The following TRPV3 variants were observed in gnomAD, a reference collection of about 807,000 sequenced individuals.
TRPV3 encodes the protein transient receptor potential cation channel subfamily V member 3.
Under a neutral mutation model 87.1 loss-of-function variants are expected in TRPV3, and 88 were observed. The observed-to-expected ratio is 1.01, with a 90% CI of 0.85 to 1.21. The LOEUF (loss-of-function observed/expected upper bound fraction) is 1.21. Ranked by LOEUF, TRPV3 falls within the 50% of genes most tolerant of loss-of-function variation. The probability of loss-of-function intolerance (pLI) is 0.00; values close to 1 mark genes in which losing one functional copy is unlikely to be tolerated. For missense variants in TRPV3, 1,054 were observed against 1,030.1 expected (o/e 1.02, Z -0.32); for synonymous variants, 438 against 423.3 (o/e 1.03, Z -0.43).
chr17:3,516,414 C>T (rs1463833903), intron 16 of TRPV3, 43 bp downstream of exon 16: 5 of 1,506,530 alleles, frequency 3.3e-6, no homozygotes. Flanking sequence ...CCTCTCTACC[C>T]ACCCCAAAGA....
Position 3,532,825 on chromosome 17 carries a change from G to A in TRPV3, c.897C>T (p.Ile299=). The A allele has an allele frequency of 6.2e-7, 1 of 1,614,266 alleles. No homozygotes were observed. The highest frequency in any genetic ancestry group is 8.5e-7 in the Non-Finnish European group (1 of 1,180,052). ...CGGCCACGGTCACCAGGGCGTGAAG[G>A]ATGTTGTTGCCTCGTGAGTCCCGCG... ...ITSRDSRGNN[I]LHALVTVAED... is the part of the protein sequence containing the mutation. The change falls in exon 8 of 18, where the codon ATC becomes ATT. Residue 299 remains isoleucine, a synonymous_variant. Coordinates refer to ENST00000576742, the MANE Select transcript of TRPV3 (RefSeq NM_145068.4).
chr17:3,536,885 G>T (rs979414853), intron 6 of TRPV3, among the ~76,000 whole-genome samples: 10 of 152,098 alleles, frequency 6.6e-5, no homozygotes, highest in Admixed American at 2.0e-4. Context: ...TGGGGGAAGG[G>T]TCTCGAAATG....
chr17:3,518,418 C>G lies in TRPV3; in HGVS notation c.2085+158G>C, dbSNP rs1179844971. On this transcript the variant is annotated intron_variant, in intron 15 of 17. Transcript: ENST00000576742. The surrounding 1 kb of genome is among the most constrained non-coding windows in gnomAD (Gnocchi z 4.3). ...CTCCCTAGACCCTACACTCAAAGAA[C>G]CTAGGCTAAGGCCTCCTCAAACCTG... 6.6e-6 allele frequency among the ~76,000 whole-genome samples: 1 copy of G among 152,216 alleles called. No individual in the cohort carries two copies. The highest frequency in any genetic ancestry group is 2.4e-5 in the African/African-American group (1 of 41,464).
At chr17:3,516,640 C>A in intron 15 of TRPV3, 71 bp from the exon 16 acceptor site, 2 of 1,106,874 alleles carry the variant, frequency 1.8e-6, no homozygotes, top group Admixed American at 1.7e-5. Flanking sequence ...CACACACTGT[C>A]GGGGAGCCCA....
At chr17:3,534,166 T>C (rs948679970) in intron 7 of TRPV3, among the ~76,000 whole-genome samples, 1 of 151,942 alleles carries the variant, frequency 6.6e-6, no homozygotes, top group Non-Finnish European at 1.5e-5. Context: ...GGACACACGA[T>C]GAACTGGACA....
chr17:3,534,266 G>A (rs2074378853), intron 7 of TRPV3, among the ~76,000 whole-genome samples: 1 of 152,072 alleles, frequency 6.6e-6, no homozygotes, highest in African/African-American at 2.4e-5. Flanking sequence ...AAACCACCCA[G>A]AAGATAGTCC....
chr17:3,544,444 G>A, intron 4 of TRPV3, 135 bp downstream of exon 4: 1 of 589,198 alleles, frequency 1.7e-6, no homozygotes, highest in South Asian at 2.2e-5. Context: ...TACATGCCAT[G>A]GACCCATGAC....
intron 6 of TRPV3, among the ~76,000 whole-genome samples, chr17:3,539,298 A>T (rs1412048342): frequency 1.4e-5 from 2 of 144,102 alleles, no homozygotes. Context: ...TAAAGGACTT[A>T]AAAAAAAAAA....
In TRPV3 at chr17:3,530,291, GGGGATAC is replaced by G; in HGVS notation, c.1066-95_1066-89del. On this transcript the variant is annotated intron_variant, in intron 8 of 17. Coordinates refer to ENST00000576742, the MANE Select transcript of TRPV3 (RefSeq NM_145068.4). This position sits in a 1 kb window ranked among gnomAD's most constrained non-coding sequence, Gnocchi z 4.0. ...ACCAGCCAGAGGCTGGCTGGGCCCA[GGGGATAC>G]ACCCGCCCAGAATGGGTGGAGACCT... 7.2e-7 allele frequency: 1 copy of G among 1,385,528 alleles called. No individual in the cohort carries two copies. 85.8% of individuals were successfully genotyped at this position (1,385,528 alleles called of 1,614,324 possible).
intron 8 of TRPV3, among the ~76,000 whole-genome samples, chr17:3,531,654 C>T (rs1007394432): frequency 6.6e-6 from 1 of 152,198 alleles, no homozygotes; most frequent in African/African-American, 2.4e-5. Context: ...CACAGTGGCA[C>T]ACAGGGAAGA....
intron 12 of TRPV3, 101 bp downstream of exon 12, chr17:3,526,753 T>C: frequency 1.1e-6 from 1 of 927,386 alleles, no homozygotes; most frequent in Non-Finnish European, 1.7e-6. Flanking sequence ...TGGGACACCG[T>C]GGCACAGTAG....
chr17:3,550,259 G>A (rs1382351762), intron 2 of TRPV3, among the ~76,000 whole-genome samples: 1 of 152,070 alleles, frequency 6.6e-6, no homozygotes, highest in African/African-American at 2.4e-5. Context: ...ATAAGAAGAT[G>A]AGGAGCAGCC....
At chr17:3,543,222 C>T (rs2074485915) in intron 5 of TRPV3, among the ~76,000 whole-genome samples, 1 of 152,180 alleles carries the variant, frequency 6.6e-6, no homozygotes, top group Non-Finnish European at 1.5e-5. Context: ...GCTTCAGGGT[C>T]CCAGCCCTGC....
intron 2 of TRPV3, among the ~76,000 whole-genome samples, chr17:3,545,975 G>A (rs683881): frequency 0.32 from 44,766 of 141,278 alleles, 7,495 homozygotes; most frequent in Middle Eastern, 0.43. Context: ...GCGTGACAGA[G>A]CAGGACTCCG....
chr17:3,514,773 TTCTG>T (rs2074161439), intron 16 of TRPV3, 101 bp from the exon 17 acceptor site: 2 of 893,810 alleles, frequency 2.2e-6, no homozygotes, highest in Non-Finnish European at 3.6e-6. Context: ...ACAGCTCCCC[TTCTG>T]TCTGTCCTAG....
intron 13 of TRPV3, among the ~76,000 whole-genome samples, chr17:3,522,738 G>T (rs1034196247): frequency 6.6e-6 from 1 of 150,772 alleles, no homozygotes; most frequent in Non-Finnish European, 1.5e-5. Context: ...AATTGCTTGA[G>T]CCCGGGAGGC....
intron 6 of TRPV3, 92 bp from the exon 7 acceptor site, chr17:3,535,805 C>T: frequency 1.5e-6 from 2 of 1,324,280 alleles, no homozygotes; most frequent in Non-Finnish European, 2.0e-6. Context: ...TCCCCGAACC[C>T]ACGGGGAGAT....
chr17:3,520,423 T>C (rs919894486), intron 14 of TRPV3, among the ~76,000 whole-genome samples: 2 of 152,190 alleles, frequency 1.3e-5, no homozygotes, highest in African/African-American at 4.8e-5. Flanking sequence ...GCAAAGACCA[T>C]CAGTTGAGTT....
chr17:3,544,335 G>C (rs189352918), intron 4 of TRPV3, among the ~76,000 whole-genome samples: 2 of 148,132 alleles, frequency 1.4e-5, no homozygotes, highest in Non-Finnish European at 3.0e-5. Context: ...AAATGGTGTC[G>C]TGCTACAGTT....
Sources: gnomAD v4.1 joint callset for allele counts (sites outside exome capture counted in the v4.1 genomes callset) on GRCh38, gnomAD v4.1.1 for gene constraint, Gnocchi (gnomAD v3.1) non-coding constraint, MANE v1.5 for transcripts, NCBI Gene and HGNC (gene_info 2026-07-23, HGNC 2026-07-21) for gene names.